SSBP3: variants seen among roughly 807,000 people sequenced by gnomAD.
SSBP3 encodes the protein single-stranded DNA-binding protein 3.
A neutral mutation model predicts 69.6 loss-of-function variants in SSBP3; 5 were observed. The observed-to-expected ratio is 0.07, with a 90% CI of 0.04 to 0.15. The LOEUF (loss-of-function observed/expected upper bound fraction) is 0.15, where lower values mean the gene tolerates loss of function less well. Ranked by LOEUF, SSBP3 falls within the 10% of genes least tolerant of loss-of-function variation. The probability of loss-of-function intolerance (pLI) is 1.00; values close to 1 mark genes in which losing one functional copy is unlikely to be tolerated. For synonymous variants in SSBP3, 196 were observed against 193.4 expected (o/e 1.01, Z -0.11); for missense variants, 312 against 534.0 (o/e 0.58, Z 4.10).
intron 5 of SSBP3, among the ~76,000 whole-genome samples, chr1:54,273,689 C>A (rs1191228531): frequency 6.6e-6 from 1 of 152,240 alleles, no homozygotes; most frequent in Non-Finnish European, 1.5e-5. Flanking sequence ...CAGCACCCCC[C>A]ACTGGACAGA....
chr1:54,270,529 T>G (rs762318555), intron 5 of SSBP3, among the ~76,000 whole-genome samples: 6 of 152,184 alleles, frequency 3.9e-5, no homozygotes, highest in Admixed American at 6.5e-5. Flanking sequence ...GGTTAAACAC[T>G]AAAAAGCTAG....
At chr1:54,238,379 G>A in intron 14 of SSBP3, 1 of 467,550 alleles carries the variant, frequency 2.1e-6, no homozygotes, top group Non-Finnish European at 4.5e-6. Flanking sequence ...AGCTCCTGGA[G>A]GGGCAAGGCT....
chr1:54,380,223 G>C (rs1007800010), intron 4 of SSBP3, among the ~76,000 whole-genome samples: 1 of 152,168 alleles, frequency 6.6e-6, no homozygotes, highest in Non-Finnish European at 1.5e-5. Context: ...CTGTTCCAGG[G>C]GGATTGACTC....
chr1:54,294,528 G>C (rs1645670707), intron 4 of SSBP3, among the ~76,000 whole-genome samples: 1 of 152,176 alleles, frequency 6.6e-6, no homozygotes, highest in Admixed American at 6.5e-5. Context: ...TCCAAGGAAG[G>C]ACAAAAGCAA....
At chr1:54,399,764 G>GAA (rs1242130966) in intron 4 of SSBP3, among the ~76,000 whole-genome samples, 2 of 152,260 alleles carry the variant, frequency 1.3e-5, no homozygotes, top group East Asian at 3.9e-4. Flanking sequence ...GAAGACTGGA[G>GAA]AAAGACAAAA....
At chr1:54,238,345 T>A (rs1447769000) in intron 14 of SSBP3, 1 of 470,732 alleles carries the variant, frequency 2.1e-6, no homozygotes, top group East Asian at 7.0e-5. Context: ...CTCTACAGTC[T>A]GTAGACCTCC....
chr1:54,303,151 G>A (rs1031920083), intron 4 of SSBP3, among the ~76,000 whole-genome samples: 1 of 152,198 alleles, frequency 6.6e-6, no homozygotes, highest in Non-Finnish European at 1.5e-5. Flanking sequence ...GTGAGCTCAC[G>A]GGAGCCATGG....
chr1:54,374,742 G>A (rs1647188727), intron 4 of SSBP3, among the ~76,000 whole-genome samples: 1 of 152,096 alleles, frequency 6.6e-6, no homozygotes, highest in Non-Finnish European at 1.5e-5. Flanking sequence ...CTGACCCCAA[G>A]AACCCAGACA....
intron 4 of SSBP3, among the ~76,000 whole-genome samples, chr1:54,353,880 G>A (rs948181607): frequency 2.0e-5 from 3 of 152,216 alleles, no homozygotes; most frequent in Non-Finnish European, 4.4e-5. Flanking sequence ...CATGGGCTGA[G>A]GGACTGAGAG....
intron 9 of SSBP3, among the ~76,000 whole-genome samples, chr1:54,248,793 G>C (rs765191261): frequency 1.3e-5 from 2 of 152,164 alleles, no homozygotes; most frequent in Non-Finnish European, 2.9e-5. Context: ...GGGACGTTTG[G>C]CTCTGGGATT....
chr1:54,411,950 C>T (rs566711477), intron 1 of SSBP3, among the ~76,000 whole-genome samples: 5 of 150,518 alleles, frequency 3.3e-5, no homozygotes, highest in Admixed American at 3.3e-4. Context: ...GGGAGAGGAA[C>T]CTGACACCCA....
intron 4 of SSBP3, among the ~76,000 whole-genome samples, chr1:54,333,454 G>A (rs1459618548): frequency 6.6e-6 from 1 of 152,166 alleles, no homozygotes; most frequent in African/African-American, 2.4e-5. Flanking sequence ...CTGACTCTCC[G>A]TAAGGCTGCA....
At chr1:54,358,757 C>T (rs1190710747) in intron 4 of SSBP3, among the ~76,000 whole-genome samples, 1 of 152,146 alleles carries the variant, frequency 6.6e-6, no homozygotes, top group Non-Finnish European at 1.5e-5. Flanking sequence ...TGTGTCCCCA[C>T]CTACGCTCTC....
intron 4 of SSBP3, among the ~76,000 whole-genome samples, chr1:54,289,570 C>A (rs115383689): frequency 6.6e-6 from 1 of 152,262 alleles, no homozygotes; most frequent in African/African-American, 2.4e-5. Flanking sequence ...AACTGAGGGA[C>A]AGGCAAGGTG....
intron 4 of SSBP3, among the ~76,000 whole-genome samples, chr1:54,317,436 C>T (rs1323286940): frequency 6.6e-6 from 1 of 151,804 alleles, no homozygotes. Flanking sequence ...ACTGGGGAGG[C>T]TGAGGTGGGA....
intron 4 of SSBP3, among the ~76,000 whole-genome samples, chr1:54,332,102 T>G (rs1646427374): frequency 6.6e-6 from 1 of 152,210 alleles, no homozygotes; most frequent in Non-Finnish European, 1.5e-5. Flanking sequence ...GCACAGCTCC[T>G]AAGTGAAGGG....
intron 4 of SSBP3, among the ~76,000 whole-genome samples, chr1:54,323,420 A>G (rs933555138): frequency 2.0e-5 from 3 of 152,272 alleles, no homozygotes; most frequent in South Asian, 2.1e-4. Context: ...CCTGGAAACC[A>G]GTTCCTCCAG....
chr1:54,302,044 T>G (rs1207333313), intron 4 of SSBP3, among the ~76,000 whole-genome samples: 1 of 142,952 alleles, frequency 7.0e-6, no homozygotes, highest in Non-Finnish European at 1.6e-5. Context: ...AGAGGGCGGC[T>G]GGGTGGGGGT....
chr1:54,315,908 T>C (rs1460437073), intron 4 of SSBP3, among the ~76,000 whole-genome samples: 1 of 152,254 alleles, frequency 6.6e-6, no homozygotes, highest in East Asian at 1.9e-4. Context: ...GGAATCCTCC[T>C]GCCTCAGCCT....
Sources: gnomAD v4.1 joint callset for allele counts (sites outside exome capture counted in the v4.1 genomes callset) on GRCh38, gnomAD v4.1.1 for gene constraint, MANE v1.5 for transcripts, NCBI Gene and HGNC (gene_info 2026-07-23, HGNC 2026-07-21) for gene names.